The following KLRG1 variants were observed in gnomAD, a reference collection of about 807,000 sequenced individuals.
KLRG1 encodes the protein killer cell lectin like receptor G1, also known as killer cell lectin-like receptor subfamily G member 1.
A neutral mutation model predicts 21.8 loss-of-function variants in KLRG1; 16 were observed. That is an observed-to-expected ratio of 0.73 (90% CI 0.50 to 1.11). The LOEUF (loss-of-function observed/expected upper bound fraction) is 1.11, where lower values mean the gene tolerates loss of function less well. Among genes scored for constraint, KLRG1 ranks in the 50% most tolerant of loss-of-function variants. The pLI is 0.00. For missense variants in KLRG1, 173 were observed against 218.3 expected (o/e 0.79, Z 1.31); for synonymous variants, 69 against 75.9 (o/e 0.91, Z 0.47).
chr12:8,997,174 A>G (rs1044403240), intron 3 of KLRG1, among the ~76,000 whole-genome samples: 2 of 152,128 alleles, frequency 1.3e-5, no homozygotes, highest in Non-Finnish European at 2.9e-5. Flanking sequence ...AGTTACATTC[A>G]CTGCATTTCC....
At chr12:9,093,666 A>AG in the KLRG1 span, 2 of 745,206 alleles carry the variant, frequency 2.7e-6, no homozygotes, top group Non-Finnish European at 4.0e-6. Context: ...AAAAAAAAAA[A>AG]CAAAAAACAA....
At chr12:9,200,331 T>C in the KLRG1 span, 8 of 1,486,050 alleles carry the variant, frequency 5.4e-6, no homozygotes, top group Middle Eastern at 1.7e-4. Flanking sequence ...TGAGGCAAAA[T>C]ATAAAATTTT....
At chr12:9,191,163 TC>T in the KLRG1 span, among the ~76,000 whole-genome samples, 2 of 152,086 alleles carry the variant, frequency 1.3e-5, no homozygotes, top group African/African-American at 4.8e-5. Flanking sequence ...TACAGACTCT[TC>T]CTGTTATGAA....
intron 1 of KLRG1, among the ~76,000 whole-genome samples, chr12:8,978,640 T>TTTTCTTTCTTTCTTTCTTTC (rs202186076): frequency 4.0e-4 from 43 of 107,902 alleles, no homozygotes; most frequent in African/African-American, 8.4e-4. Flanking sequence ...TTTTTCTTTC[T>TTTTCTTTCTTTCTTTCTTTC]TTTCTTTCTT....
At chr12:9,189,070 G>A in the KLRG1 span, among the ~76,000 whole-genome samples, 2 of 152,104 alleles carry the variant, frequency 1.3e-5, no homozygotes, top group Admixed American at 6.5e-5. Flanking sequence ...TGGTCATATT[G>A]CCCAAAGCAA....
chr12:9,157,816 AG>A, the KLRG1 span: 1 of 1,614,034 alleles, frequency 6.2e-7, no homozygotes, highest in East Asian at 2.2e-5. Context: ...ATAGGCGGAG[AG>A]GGTCGCTTCA....
chr12:9,163,827 T>C, the KLRG1 span: 2 of 1,598,404 alleles, frequency 1.3e-6, no homozygotes, highest in Non-Finnish European at 1.7e-6. Flanking sequence ...GTATCCACTT[T>C]GATAGTCCAA....
the KLRG1 span, chr12:9,110,337 G>T: frequency 7.0e-7 from 1 of 1,427,360 alleles, no homozygotes; most frequent in Admixed American, 2.5e-5. Flanking sequence ...AGTGGAATCT[G>T]AAAGACAAAA....
At chr12:9,184,424 G>A in the KLRG1 span, among the ~76,000 whole-genome samples, 6 of 152,172 alleles carry the variant, frequency 3.9e-5, no homozygotes, top group Non-Finnish European at 4.4e-5. Context: ...TAACACCACC[G>A]TCAGTGCAAA....
the KLRG1 span, chr12:9,166,132 A>G: frequency 6.2e-7 from 1 of 1,614,060 alleles, no homozygotes. Flanking sequence ...AACTTTGTTC[A>G]TTATTTAAGG....
the KLRG1 span, chr12:9,164,316 A>G: frequency 1.9e-6 from 3 of 1,551,456 alleles, no homozygotes; most frequent in Non-Finnish European, 2.6e-6. Context: ...CGACACGAAC[A>G]CATAGAATTG....
the KLRG1 span, among the ~76,000 whole-genome samples, chr12:9,187,693 G>A: frequency 3.1e-3 from 465 of 152,306 alleles, 3 homozygotes; most frequent in African/African-American, 0.011. Flanking sequence ...TGTTAAGAGG[G>A]AAACTTATAG....
chr12:9,203,840 A>T, the KLRG1 span: 1 of 1,614,142 alleles, frequency 6.2e-7, no homozygotes, highest in East Asian at 2.2e-5. Context: ...TTTCCCTGCC[A>T]GACTCCAAGG....
At position 8,991,649 on chromosome 12, in the gene KLRG1, A is replaced by G. The variant is rs759354801; in HGVS notation, c.83-557A>G. ...GACTATATATCTTACAAAATATTCC[A>G]TATCAGTTAAAAAAAAAGCCAGTTT... is the stretch of plus-strand genomic sequence containing the variant. On this transcript the variant is annotated intron_variant, in intron 1 of 4. Coordinates refer to ENST00000356986, the MANE Select transcript of KLRG1 (RefSeq NM_005810.4). 1.5e-4 allele frequency among the ~76,000 whole-genome samples: 20 copies of G among 137,490 alleles called. No individual in the cohort carries two copies. The East Asian group carries it at 4.1e-3, about 28-fold the overall frequency. The allele number at this position is 137,490 out of a possible 152,430, so 90.2% of individuals were successfully genotyped here.
chr12:9,177,555 G>A, the KLRG1 span, among the ~76,000 whole-genome samples: 2 of 152,182 alleles, frequency 1.3e-5, no homozygotes, highest in South Asian at 4.1e-4. Context: ...TTGTTATGCA[G>A]CAGTAGATAG....
chr12:8,982,708 C>G (rs143261159), intron 1 of KLRG1, among the ~76,000 whole-genome samples: 1 of 143,852 alleles, frequency 7.0e-6, no homozygotes, highest in African/African-American at 2.6e-5. Context: ...TGCAATGGTG[C>G]GATCTTGGCT....
the KLRG1 span, among the ~76,000 whole-genome samples, chr12:9,124,103 T>G: frequency 6.6e-6 from 1 of 152,208 alleles, no homozygotes; most frequent in African/African-American, 2.4e-5. Context: ...TGGAGTTATT[T>G]CTAAACAGAA....
the KLRG1 span, chr12:9,153,023 TCCAGAGG>T: frequency 6.2e-7 from 1 of 1,607,650 alleles, no homozygotes; most frequent in Non-Finnish European, 8.5e-7. Flanking sequence ...ACTTAACGTC[TCCAGAGG>T]TGCCTTTTAC....
the KLRG1 span, chr12:9,079,934 C>A: frequency 9.1e-7 from 1 of 1,097,740 alleles, no homozygotes; most frequent in African/African-American, 1.6e-5. Context: ...GATGATTCTT[C>A]CAGGGATAGA....
Sources: gnomAD v4.1 joint callset for allele counts (sites outside exome capture counted in the v4.1 genomes callset) on GRCh38, gnomAD v4.1.1 for gene constraint, MANE v1.5 for transcripts, NCBI Gene and HGNC (gene_info 2026-07-23, HGNC 2026-07-21) for gene names.